The following FER variants were observed in gnomAD, a reference collection of about 807,000 sequenced individuals.
FER encodes tyrosine-protein kinase Fer.
In FER, 63 loss-of-function variants were observed where a neutral mutation model predicts 111.0. That is an observed-to-expected ratio of 0.57 (90% CI 0.46 to 0.70). The LOEUF is 0.70. Among genes scored for constraint, FER ranks in the 30% least tolerant of loss-of-function variants. FER has a pLI of 0.00. For synonymous variants in FER, 327 were observed against 313.9 expected (o/e 1.04, Z -0.44); for missense variants, 914 against 954.0 (o/e 0.96, Z 0.55).
intron 13 of FER, among the ~76,000 whole-genome samples, chr5:109,034,581 T>G (rs188331300): frequency 4.9e-4 from 75 of 152,222 alleles, no homozygotes; most frequent in African/African-American, 1.7e-3. Flanking sequence ...ATGGCTTCTT[T>G]TCTTAACCTA....
intron 17 of FER, among the ~76,000 whole-genome samples, chr5:109,161,276 A>C (rs1452089427): frequency 6.6e-6 from 1 of 151,910 alleles, no homozygotes; most frequent in East Asian, 1.9e-4. Context: ...ATATTATTTT[A>C]AGTTCAGGGG....
At chr5:109,175,377 G>C (rs753406944) in intron 17 of FER, among the ~76,000 whole-genome samples, 10 of 152,112 alleles carry the variant, frequency 6.6e-5, no homozygotes, top group South Asian at 4.1e-4. Context: ...AAAGCTAAGA[G>C]TAAGTAAATT....
intron 3 of FER, among the ~76,000 whole-genome samples, chr5:108,808,845 T>C (rs1057486605): frequency 6.6e-6 from 1 of 152,190 alleles, no homozygotes; most frequent in Non-Finnish European, 1.5e-5. Flanking sequence ...TCACTTACGA[T>C]GCTTAGTTTG....
chr5:108,999,063 G>C (rs1452264149), intron 13 of FER, among the ~76,000 whole-genome samples: 1 of 152,020 alleles, frequency 6.6e-6, no homozygotes, highest in African/African-American at 2.4e-5. Flanking sequence ...ACATTTGACT[G>C]TTCTTGCTTT....
chr5:109,045,320 C>T (rs898062732), intron 15 of FER, among the ~76,000 whole-genome samples: 71 of 83,744 alleles, frequency 8.5e-4, no homozygotes, highest in African/African-American at 3.4e-3. Flanking sequence ...CATTATATAC[C>T]TTTTTATAGC....
At chr5:108,951,134 G>T (rs1757680476) in intron 11 of FER, among the ~76,000 whole-genome samples, 1 of 151,906 alleles carries the variant, frequency 6.6e-6, no homozygotes, top group Non-Finnish European at 1.5e-5. Context: ...ACCAGGTGGG[G>T]TGGTGCGCAA....
intron 8 of FER, among the ~76,000 whole-genome samples, chr5:108,873,914 C>G (rs890935073): frequency 1.3e-5 from 2 of 152,144 alleles, no homozygotes; most frequent in African/African-American, 4.8e-5. Context: ...ATGTATGGTG[C>G]AAAATGGATA....
intron 16 of FER, among the ~76,000 whole-genome samples, chr5:109,050,347 C>T (rs942899436): frequency 2.6e-5 from 4 of 152,124 alleles, no homozygotes; most frequent in Admixed American, 2.6e-4. Context: ...TTGGCCCACA[C>T]CACAAAAATC....
At chr5:108,840,342 A>G (rs2150152310) in intron 5 of FER, among the ~76,000 whole-genome samples, 1 of 152,300 alleles carries the variant, frequency 6.6e-6, no homozygotes, top group Non-Finnish European at 1.5e-5. Flanking sequence ...CATTGAAAAT[A>G]ATGTCAAAAA....
chr5:109,126,269 G>A (rs1438053785), intron 17 of FER, among the ~76,000 whole-genome samples: 3 of 152,200 alleles, frequency 2.0e-5, no homozygotes, highest in East Asian at 1.9e-4. Context: ...AAGTGCACAC[G>A]GAGTTAAGAA....
intron 5 of FER, among the ~76,000 whole-genome samples, chr5:108,855,320 A>C (rs1762891361): frequency 6.6e-6 from 1 of 152,150 alleles, no homozygotes; most frequent in South Asian, 2.1e-4. Context: ...GAAGTCAGCG[A>C]AATAAAGAGT....
At chr5:109,081,585 A>T (rs74358994) in intron 16 of FER, among the ~76,000 whole-genome samples, 10 of 151,950 alleles carry the variant, frequency 6.6e-5, no homozygotes, top group Non-Finnish European at 1.2e-4. Context: ...GGATATTCTC[A>T]GTATTATATT....
At chr5:108,790,960 T>C (rs1580547402) in intron 2 of FER, among the ~76,000 whole-genome samples, 1 of 152,360 alleles carries the variant, frequency 6.6e-6, no homozygotes, top group East Asian at 1.9e-4. Flanking sequence ...TTCATCCATG[T>C]TGTAGCCTGT....
At chr5:109,095,994 T>C (rs1291119469) in intron 16 of FER, among the ~76,000 whole-genome samples, 1 of 152,122 alleles carries the variant, frequency 6.6e-6, no homozygotes, top group Admixed American at 6.6e-5. Flanking sequence ...TTAAGATCCC[T>C]ATGATTCAAT....
At chr5:109,026,170 G>T (rs1581702583) in intron 13 of FER, among the ~76,000 whole-genome samples, 1 of 151,924 alleles carries the variant, frequency 6.6e-6, no homozygotes, top group African/African-American at 2.4e-5. Context: ...TTAAAAATAA[G>T]AACCAATTAA....
At chr5:108,820,545 C>G (rs1276627529) in intron 3 of FER, 1 of 985,050 alleles carries the variant, frequency 1.0e-6, no homozygotes, top group East Asian at 1.1e-4. Flanking sequence ...TTCTTAATTT[C>G]TTTTCTGGCC....
At position 109,193,713 on chromosome 5, in the gene FER, T is replaced by A. The variant is rs1759536294; in HGVS notation, c.*6138T>A. On this transcript the variant is annotated 3_prime_UTR_variant, in exon 20 of 20. Coordinates refer to ENST00000281092, the MANE Select transcript of FER (RefSeq NM_005246.4). ...TTCTGATTACTATTTCCTTTTCTCA[T>A]CTTTAGTTTTTCAAGATTTTGCTTT... 1 of 152,166 alleles carries A rather than the reference T, an allele frequency of 6.6e-6. No homozygotes were observed. The highest frequency in any genetic ancestry group is 1.5e-5 in the Non-Finnish European group (1 of 68,024). The allele number at this position is 152,166 out of a possible 1,614,324, so 9.4% of individuals were successfully genotyped here.
chr5:108,789,087 C>G (rs1388694644), intron 2 of FER, among the ~76,000 whole-genome samples: 2 of 152,206 alleles, frequency 1.3e-5, no homozygotes, highest in African/African-American at 4.8e-5. Context: ...CGATAACATA[C>G]ACACAGAAAA....
chr5:109,016,085 G>C (rs574523724), intron 13 of FER, among the ~76,000 whole-genome samples: 1 of 152,016 alleles, frequency 6.6e-6, no homozygotes, highest in East Asian at 1.9e-4. Flanking sequence ...CCCTTTTCTA[G>C]GTGACTTTTT....
Sources: gnomAD v4.1 joint callset for allele counts (sites outside exome capture counted in the v4.1 genomes callset) on GRCh38, gnomAD v4.1.1 for gene constraint, MANE v1.5 for transcripts, NCBI Gene and HGNC (gene_info 2026-07-23, HGNC 2026-07-21) for gene names.